Variants in COL6A5 observed in about 807,000 individuals in gnomAD.
The protein encoded by COL6A5 is collagen type VI alpha 5 chain, also known as collagen alpha-5(VI) chain.
Under a neutral mutation model 65.6 loss-of-function variants are expected in COL6A5, and 48 were observed. The ratio of observed to expected loss-of-function variants is 0.73; its 90% CI spans 0.58 to 0.93. COL6A5 has a LOEUF of 0.93. COL6A5 is among the 40% of genes least tolerant of loss of function. The pLI is 0.00. For missense variants in COL6A5, 914 were observed against 928.3 expected (o/e 0.98, Z 0.20); for synonymous variants, 291 against 322.8 (o/e 0.90, Z 1.05).
chr3:130,434,996 A>T (rs2107697689), intron 1 of COL6A5, among the ~76,000 whole-genome samples: 1 of 152,246 alleles, frequency 6.6e-6, no homozygotes, highest in East Asian at 1.9e-4. Flanking sequence ...TTGGTGTTTT[A>T]GTCATGAAGT....
intron 4 of COL6A5, among the ~76,000 whole-genome samples, chr3:130,452,967 G>T (rs1709480323): frequency 6.6e-6 from 1 of 152,182 alleles, no homozygotes; most frequent in African/African-American, 2.4e-5. Flanking sequence ...ATACAGCTCT[G>T]TTCCGCCCAG....
At chr3:130,380,312 T>C (rs913640498) in intron 4 of COL6A5, among the ~76,000 whole-genome samples, 1 of 152,154 alleles carries the variant, frequency 6.6e-6, no homozygotes, top group African/African-American at 2.4e-5. Context: ...TTATAAAATA[T>C]TGTAATAGTA....
Position 130,465,866 on chromosome 3 carries a change from A to G in COL6A5, c.1545-2929A>G, listed in dbSNP as rs537482276. On this transcript the variant is annotated intron_variant, in intron 5 of 7. Transcript: ENST00000512836. ...TGAAAGATATAAAAAGAAGATTCCA[A>G]TAGAATTTGCAGGGTTGAAAACCAT... Among the ~76,000 whole-genome samples, 10 of 152,202 alleles carry G rather than the reference A, an allele frequency of 6.6e-5. No homozygotes were observed. In the East Asian group the frequency reaches 1.4e-3, roughly 21 times the overall value.
intron 3 of COL6A5, 58 bp downstream of exon 35, chr3:130,440,883 G>A (rs1323152590): frequency 1.6e-6 from 2 of 1,261,812 alleles, no homozygotes; most frequent in African/African-American, 1.5e-5. Flanking sequence ...TGTTAATACA[G>A]TATTGATAAC....
At chr3:130,379,946 A>G (rs892231732) in exon 4 of COL6A5, 2 of 1,551,332 alleles carry the variant, frequency 1.3e-6, no homozygotes, top group Non-Finnish European at 1.7e-6. Context: ...CTGAAGTCCT[A>G]TGCAGACTTA....
At chr3:130,451,654 T>TGCAAGAGTATTGATTGGGGAAGTGATAA (rs1709441189) in intron 4 of COL6A5, among the ~76,000 whole-genome samples, 1 of 152,044 alleles carries the variant, frequency 6.6e-6, no homozygotes, top group African/African-American at 2.4e-5. Context: ...AGGAGTTACA[T>TGCAAGAGTATTGATTGGGGAAGTGATAA]GTGCCGGCTT....
chr3:130,396,453 C>A (rs772747238), intron 8 of COL6A5, among the ~76,000 whole-genome samples: 1 of 152,248 alleles, frequency 6.6e-6, no homozygotes, highest in Non-Finnish European at 1.5e-5. Flanking sequence ...CAGCAACAAC[C>A]TCCACACACG....
chr3:130,377,537 G>A (rs1161058378), intron 3 of COL6A5, among the ~76,000 whole-genome samples: 1 of 152,192 alleles, frequency 6.6e-6, no homozygotes, highest in Non-Finnish European at 1.5e-5. Flanking sequence ...GGAAGAAGAG[G>A]GGATGCCCTC....
At chr3:130,403,609 G>T in exon 13 of COL6A5, 1 of 1,550,784 alleles carries the variant, frequency 6.4e-7, no homozygotes, top group African/African-American at 1.4e-5. Context: ...TTCTTCCCAG[G>T]GTTCTCAAGG....
chr3:130,425,119 A>T (rs1937579542), intron 29 of COL6A5, among the ~76,000 whole-genome samples: 1 of 152,100 alleles, frequency 6.6e-6, no homozygotes, highest in Admixed American at 6.6e-5. Flanking sequence ...TATCTGCCAT[A>T]ACTTGTAAAA....
At chr3:130,415,811 T>C (rs974391302) in intron 23 of COL6A5, 104 bp downstream of exon 23, 2 of 971,050 alleles carry the variant, frequency 2.1e-6, no homozygotes, top group African/African-American at 3.3e-5. Context: ...TACATATATA[T>C]TATTTCATTT....
intron 1 of COL6A5, among the ~76,000 whole-genome samples, chr3:130,366,160 T>A (rs1935332986): frequency 6.6e-6 from 1 of 152,192 alleles, no homozygotes; most frequent in African/African-American, 2.4e-5. Flanking sequence ...CTTATGAAGT[T>A]GTGGCAAATA....
chr3:130,391,861 A>G (rs944614234), intron 7 of COL6A5, 107 bp downstream of exon 7: 21 of 838,436 alleles, frequency 2.5e-5, no homozygotes, highest in Non-Finnish European at 3.8e-5. Context: ...TGGACTGAAC[A>G]TTTCTCTGCT....
exon 3 of COL6A5, chr3:130,376,319 A>G: frequency 1.9e-6 from 3 of 1,613,712 alleles, no homozygotes; most frequent in South Asian, 2.2e-5. Flanking sequence ...CATTCGTGAA[A>G]ACGTTCATCA....
intron 5 of COL6A5, among the ~76,000 whole-genome samples, chr3:130,456,731 A>G (rs1011465650): frequency 2.0e-5 from 3 of 152,176 alleles, no homozygotes; most frequent in Non-Finnish European, 4.4e-5. Flanking sequence ...GCACTGTTCC[A>G]AAAGTATCAT....
At chr3:130,416,764 C>G (rs932900811) in exon 24 of COL6A5, 1 of 1,532,732 alleles carries the variant, frequency 6.5e-7, no homozygotes, top group Admixed American at 2.0e-5. Flanking sequence ...CAGGGTTCTC[C>G]TGGGCTAATG....
At chr3:130,384,941 C>A in exon 5 of COL6A5, 9 of 1,550,894 alleles carry the variant, frequency 5.8e-6, no homozygotes, top group Non-Finnish European at 7.0e-6. Flanking sequence ...AGACAAAGTC[C>A]GAGTTGGAGT....
exon 8 of COL6A5, chr3:130,395,325 G>A: frequency 1.3e-6 from 2 of 1,551,324 alleles, no homozygotes; most frequent in Non-Finnish European, 1.7e-6. Context: ...TTGGGCATAG[G>A]AGATGTTTAT....
At chr3:130,412,880 A>C (rs1334983066) in intron 20 of COL6A5, among the ~76,000 whole-genome samples, 2 of 152,182 alleles carry the variant, frequency 1.3e-5, no homozygotes, top group African/African-American at 4.8e-5. Context: ...CCATGGCTAC[A>C]TTTCTGAATA....
Sources: gnomAD v4.1 joint callset for allele counts (sites outside exome capture counted in the v4.1 genomes callset) on GRCh38, gnomAD v4.1.1 for gene constraint, MANE v1.5 for transcripts, NCBI Gene and HGNC (gene_info 2026-07-23, HGNC 2026-07-21) for gene names.